The following MEGF6 variants were observed in gnomAD, a reference collection of about 807,000 sequenced individuals.
MEGF6 encodes multiple EGF like domains 6.
In MEGF6, 184 loss-of-function variants were observed where a neutral mutation model predicts 207.1. The ratio of observed to expected loss-of-function variants is 0.89; its 90% CI spans 0.79 to 1.00. MEGF6 has a LOEUF of 1.00. Among genes scored for constraint, MEGF6 ranks in the 50% least tolerant of loss-of-function variants. MEGF6 has a pLI of 0.00. For synonymous variants in MEGF6, 1,038 were observed against 910.0 expected (o/e 1.14, Z -2.53); for missense variants, 2,282 against 2,202.9 (o/e 1.04, Z -0.72).
At position 3,504,022 on chromosome 1, in the gene MEGF6, C is replaced by T. The variant is rs909396690; in HGVS notation, c.2188+1186G>A. On this transcript the variant is annotated intron_variant, in intron 17 of 36. Transcript: ENST00000356575. ...GGGTGGACGTTGCTCCCTCTGCGGA[C>T]CCCTTCTCATTCCCCAGATGGAGGT... 1.4e-4 allele frequency among the ~76,000 whole-genome samples: 22 copies of T among 152,024 alleles called. 1 individual carries two copies. The highest frequency in any genetic ancestry group is 4.3e-4 in the African/African-American group (18 of 41,398).
At chr1:3,523,076 G>GT (rs200503308) in intron 5 of MEGF6, among the ~76,000 whole-genome samples, 28 of 142,318 alleles carry the variant, frequency 2.0e-4, no homozygotes, top group African/African-American at 8.0e-4. Flanking sequence ...GTGTGTGCCG[G>GT]GGGGGGGGCC....
At chr1:3,570,838 C>G (rs1421198369) in intron 4 of MEGF6, among the ~76,000 whole-genome samples, 3 of 152,202 alleles carry the variant, frequency 2.0e-5, no homozygotes, top group African/African-American at 2.4e-5. Flanking sequence ...GGCTAGTCAT[C>G]CTCCCCATTC....
chr1:3,491,619 A>T (rs77550815), intron 35 of MEGF6, among the ~76,000 whole-genome samples: 9,010 of 152,164 alleles, frequency 0.059, 407 homozygotes, highest in East Asian at 0.15. Flanking sequence ...CCCAAGTGTG[A>T]AATCCCCAGT....
At chr1:3,517,328 G>A (rs891288312) in intron 5 of MEGF6, among the ~76,000 whole-genome samples, 5 of 152,246 alleles carry the variant, frequency 3.3e-5, no homozygotes, top group South Asian at 4.1e-4. Context: ...GCCCTGAGAC[G>A]CACCCAGGGA....
At chr1:3,557,743 A>T (rs1172721348) in intron 4 of MEGF6, among the ~76,000 whole-genome samples, 1 of 152,116 alleles carries the variant, frequency 6.6e-6, no homozygotes, top group Non-Finnish European at 1.5e-5. Context: ...CAGCAGGGGG[A>T]GTTCAGGGGA....
At chr1:3,555,552 G>A (rs1422853864) in intron 4 of MEGF6, among the ~76,000 whole-genome samples, 1 of 152,272 alleles carries the variant, frequency 6.6e-6, no homozygotes, top group Non-Finnish European at 1.5e-5. Context: ...AGCTCCTGGG[G>A]TCTGGCCTGC....
intron 4 of MEGF6, among the ~76,000 whole-genome samples, chr1:3,552,352 C>G (rs1472480829): frequency 6.6e-6 from 1 of 152,210 alleles, no homozygotes; most frequent in African/African-American, 2.4e-5. Context: ...GCGCCTGATG[C>G]CAGGAGGGCA....
intron 4 of MEGF6, among the ~76,000 whole-genome samples, chr1:3,552,628 T>C (rs1570122395): frequency 2.0e-5 from 3 of 151,774 alleles, no homozygotes; most frequent in African/African-American, 7.3e-5. Flanking sequence ...AGCCCGGGAG[T>C]TCAAGGCTGC....
At chr1:3,578,821 G>A (rs1157859675) in intron 4 of MEGF6, among the ~76,000 whole-genome samples, 1 of 151,704 alleles carries the variant, frequency 6.6e-6, no homozygotes, top group Admixed American at 6.6e-5. Context: ...GCGGAACGTG[G>A]AGTGGGCAGG....
At chr1:3,550,852 G>A (rs1642862597) in intron 4 of MEGF6, among the ~76,000 whole-genome samples, 1 of 152,258 alleles carries the variant, frequency 6.6e-6, no homozygotes, top group Non-Finnish European at 1.5e-5. Flanking sequence ...TCACCCTGGG[G>A]GAGCCAGTGT....
At chr1:3,520,781 A>T (rs906697225) in intron 5 of MEGF6, among the ~76,000 whole-genome samples, 2 of 152,180 alleles carry the variant, frequency 1.3e-5, no homozygotes, top group Non-Finnish European at 2.9e-5. Context: ...TCTAGAAGGC[A>T]GGGAGGTGTG....
At chr1:3,593,054 T>C (rs1557803736) in intron 3 of MEGF6, among the ~76,000 whole-genome samples, 1 of 152,014 alleles carries the variant, frequency 6.6e-6, no homozygotes, top group Non-Finnish European at 1.5e-5. Context: ...ACCACGTTCT[T>C]CTAAGGCTCC....
At chr1:3,515,094 G>C (rs572818395) in intron 6 of MEGF6, among the ~76,000 whole-genome samples, 1 of 152,272 alleles carries the variant, frequency 6.6e-6, no homozygotes, top group South Asian at 2.1e-4. Flanking sequence ...GAGGACCACT[G>C]AGTCTGCCGC....
chr1:3,541,229 C>T (rs143285540), intron 4 of MEGF6, among the ~76,000 whole-genome samples: 16 of 152,382 alleles, frequency 1.0e-4, no homozygotes, highest in Middle Eastern at 3.4e-3. Context: ...CTGAGCGTCA[C>T]AGAGCGGGGC....
chr1:3,580,007 G>C (rs542730381), intron 3 of MEGF6, 78 bp from the exon 4 acceptor site: 1 of 1,083,640 alleles, frequency 9.2e-7, no homozygotes. Flanking sequence ...AGGGTCTCTC[G>C]GGCAGGCAGC....
intron 3 of MEGF6, among the ~76,000 whole-genome samples, chr1:3,583,028 C>T (rs1173977548): frequency 2.0e-5 from 3 of 152,192 alleles, no homozygotes; most frequent in Non-Finnish European, 4.4e-5. Flanking sequence ...AATGAACAAA[C>T]CACCGCATGG....
chr1:3,589,611 T>G (rs1456888680), intron 3 of MEGF6, among the ~76,000 whole-genome samples: 1 of 152,186 alleles, frequency 6.6e-6, no homozygotes, highest in African/African-American at 2.4e-5. Flanking sequence ...ACTGGCGGCT[T>G]CATCCTTTCC....
chr1:3,575,187 G>C (rs1426622497), intron 4 of MEGF6, among the ~76,000 whole-genome samples: 1 of 152,244 alleles, frequency 6.6e-6, no homozygotes, highest in Non-Finnish European at 1.5e-5. Context: ...TGTTGGGGAA[G>C]GGGTGGGGGC....
rs777682568 is a variant in MEGF6 at position 3,495,876 on chromosome 1, G to A, written c.3871+14C>T. The A allele has an allele frequency of 7.6e-5, 121 of 1,597,608 alleles. No homozygotes were observed. The highest frequency in any genetic ancestry group is 1.0e-4 in the Non-Finnish European group (118 of 1,179,118). On this transcript the variant is annotated intron_variant, in intron 30 of 36. Coordinates refer to ENST00000356575, the MANE Select transcript of MEGF6 (RefSeq NM_001409.4). ...GAAGGGCCTGTGAGCATGCCCTCTGGAGTGAACACTCACCTCGCTCACAGC... is the reference window on the plus strand; with the variant it reads ...GAAGGGCCTGTGAGCATGCCCTCTGAAGTGAACACTCACCTCGCTCACAGC...
Sources: gnomAD v4.1 joint callset for allele counts (sites outside exome capture counted in the v4.1 genomes callset) on GRCh38, gnomAD v4.1.1 for gene constraint, MANE v1.5 for transcripts, NCBI Gene and HGNC (gene_info 2026-07-23, HGNC 2026-07-21) for gene names.